Variants in C4orf50 observed in about 807,000 individuals in gnomAD.
C4orf50 encodes uncharacterized protein C4orf50.
In C4orf50, 80 loss-of-function variants were observed where a neutral mutation model predicts 77.2. The ratio of observed to expected loss-of-function variants is 1.04; its 90% CI spans 0.87 to 1.25. The LOEUF (loss-of-function observed/expected upper bound fraction) is 1.25, where lower values mean the gene tolerates loss of function less well. Ranked by LOEUF, C4orf50 falls within the 50% of genes most tolerant of loss-of-function variation. The pLI, the probability that C4orf50 is intolerant of heterozygous loss-of-function variation, is 0.00. For synonymous variants in C4orf50, 532 were observed against 465.3 expected (o/e 1.14, Z -1.84); for missense variants, 1,257 against 1,152.9 (o/e 1.09, Z -1.31).
At chr4:5,941,111 A>G (rs917342897) in intron 7 of C4orf50, among the ~76,000 whole-genome samples, 1 of 152,232 alleles carries the variant, frequency 6.6e-6, no homozygotes, top group Admixed American at 6.5e-5. Flanking sequence ...TTATTACTCA[A>G]TCATATCTAA....
In C4orf50 at chr4:5,916,098, C is replaced by T. The variant is rs1717017678; in HGVS notation, c.*2475-17910G>A. 6.6e-6 allele frequency among the ~76,000 whole-genome samples: 1 copy of T among 152,170 alleles called. No homozygotes were observed. Reference sequence around the variant, plus strand: ...CAGCTACCACAGGGGCAGAGCTCAGCTCCACACAGTAGTGACCAGGGACCC... The same window carrying T: ...CAGCTACCACAGGGGCAGAGCTCAGTTCCACACAGTAGTGACCAGGGACCC... On this transcript the variant is annotated intron_variant, in intron 7 of 7. Coordinates refer to the C4orf50 transcript ENST00000324058. The surrounding 1 kb of genome is among the most constrained non-coding windows in gnomAD (Gnocchi z 4.4).
chr4:5,966,906 C>A lies in C4orf50; in HGVS notation c.4153+508G>T, dbSNP rs560816704. ...CTCGTGATCCGCCTGCCTCGGCCCC[C>A]CAAAGTGCTGGGATTACAGGCGTGA... On this transcript the variant is annotated intron_variant, in intron 32 of 33. Transcript: ENST00000531445. 3.9e-5 allele frequency among the ~76,000 whole-genome samples: 6 copies of A among 152,278 alleles called. No homozygotes were observed. In the East Asian group the frequency reaches 7.7e-4, roughly 20 times the overall value.
intron 25 of C4orf50, among the ~76,000 whole-genome samples, chr4:6,002,170 TA>T (rs1256470314): frequency 6.6e-6 from 1 of 152,030 alleles, no homozygotes; most frequent in Non-Finnish European, 1.5e-5. Context: ...GGTGTCCAGA[TA>T]AGAAGAGAAG....
exon 28 of C4orf50, chr4:5,990,647 G>A (rs1721227532): frequency 5.0e-6 from 2 of 399,096 alleles, no homozygotes; most frequent in African/African-American, 2.1e-5. Context: ...GGCCCCCAGA[G>A]AGGGAGTGCG....
intron 7 of C4orf50, among the ~76,000 whole-genome samples, chr4:5,936,576 A>AG (rs1320863587): frequency 7.3e-5 from 11 of 150,914 alleles, no homozygotes; most frequent in African/African-American, 2.7e-4. Flanking sequence ...AAAAAAAAAA[A>AG]AAAAAAAGAA....
rs190238316 is a variant in C4orf50, at chr4:5,907,437, G to T, written c.*2475-9249C>A. 4.3e-4 allele frequency among the ~76,000 whole-genome samples: 66 copies of T among 152,254 alleles called. 1 individual carries two copies. The East Asian group carries it at 0.01, about 24-fold the overall frequency. Reference sequence around the variant, plus strand: ...ATAAATAGGATAGATCACTTTTGGTGGTGGTGGGGAGGGTCATGTAATAGG... The same window carrying T: ...ATAAATAGGATAGATCACTTTTGGTTGTGGTGGGGAGGGTCATGTAATAGG... On this transcript the variant is annotated intron_variant, in intron 7 of 7. Transcript: ENST00000324058.
intron 29 of C4orf50, among the ~76,000 whole-genome samples, chr4:5,977,828 G>A (rs1367439859): frequency 6.6e-6 from 1 of 152,196 alleles, no homozygotes; most frequent in Non-Finnish European, 1.5e-5. Flanking sequence ...GCCACAGTGA[G>A]ATAAGTATTG....
intron 7 of C4orf50, among the ~76,000 whole-genome samples, chr4:5,913,915 A>ATTG (rs1296565292): frequency 6.6e-6 from 1 of 152,242 alleles, no homozygotes; most frequent in Non-Finnish European, 1.5e-5. Context: ...AATCTCCAAG[A>ATTG]AATAGTCTTC....
chr4:5,940,765 T>A (rs116273155), intron 7 of C4orf50, among the ~76,000 whole-genome samples: 3,596 of 152,310 alleles, frequency 0.024, 61 homozygotes, highest in Non-Finnish European at 0.04. Context: ...CGTGGGAGAT[T>A]TGAGCCTGGG....
At chr4:5,913,617 C>A (rs926504362) in intron 7 of C4orf50, among the ~76,000 whole-genome samples, 1 of 152,176 alleles carries the variant, frequency 6.6e-6, no homozygotes, top group African/African-American at 2.4e-5. Context: ...ACATTCCGGT[C>A]CAATTGATGG....
In C4orf50 at chr4:5,931,531, C is replaced by T. The variant is rs979170537; in HGVS notation, c.*2474+25370G>A. ...TTTCCCCAAGGTCATGCAGCCCTGG[C>T]GAGGCTGAGCTGAACTAGAAACCTG... On this transcript the variant is annotated intron_variant, in intron 7 of 7. Transcript: ENST00000324058. Among the ~76,000 whole-genome samples, 4 of 152,162 alleles carry T rather than the reference C, an allele frequency of 2.6e-5. No homozygotes were observed. In the South Asian group the frequency reaches 6.2e-4, roughly 24 times the overall value.
chr4:5,910,857 T>C, intron 7 of C4orf50, among the ~76,000 whole-genome samples: 1 of 152,242 alleles, frequency 6.6e-6, no homozygotes, highest in East Asian at 1.9e-4. Flanking sequence ...CATGTCCCTA[T>C]TTGTCTAACA....
At chr4:5,989,692 T>C (rs1397652241) in exon 28 of C4orf50, 1 of 1,536,148 alleles carries the variant, frequency 6.5e-7, no homozygotes, top group Non-Finnish European at 8.7e-7. Context: ...ATGACCATGA[T>C]CAGTGGGTTC....
chr4:5,989,468 T>C, exon 28 of C4orf50: 1 of 1,536,000 alleles, frequency 6.5e-7, no homozygotes, highest in Non-Finnish European at 8.7e-7. Flanking sequence ...ATACCCCAAT[T>C]TCCCCAAACC....
chr4:5,969,363 G>A (rs1200571989), intron 31 of C4orf50, among the ~76,000 whole-genome samples: 6 of 151,544 alleles, frequency 4.0e-5, no homozygotes, highest in Non-Finnish European at 7.4e-5. Flanking sequence ...AATCGTCTGA[G>A]TATGACCGCT....
exon 28 of C4orf50, chr4:5,990,120 C>T (rs1721174927): frequency 7.8e-7 from 1 of 1,274,754 alleles, no homozygotes; most frequent in African/African-American, 1.5e-5. Flanking sequence ...CCCTCCTGCT[C>T]AGGGATTCGG....
chr4:5,936,319 T>C (rs1245645667), intron 7 of C4orf50, among the ~76,000 whole-genome samples: 2 of 152,050 alleles, frequency 1.3e-5, no homozygotes, highest in Non-Finnish European at 2.9e-5. Context: ...CCCAGCACTT[T>C]GGGAGGCCGA....
Position 6,007,768 on chromosome 4 carries a change from G to A in C4orf50, c.963+228C>T, listed in dbSNP as rs1256750878. ...ATGGACAGGTGAGTGGACACGGTTG[G>A]TGGATGGGTAATGAGGTGGGCGTGC... On this transcript the variant is annotated intron_variant, in intron 25 of 33. Coordinates refer to ENST00000531445, the Ensembl canonical transcript of C4orf50. This position sits in a 1 kb window ranked among gnomAD's most constrained non-coding sequence, Gnocchi z 4.1. Among the ~76,000 whole-genome samples the A allele has an allele frequency of 2.7e-5, 4 of 147,836 alleles. No homozygotes were observed. The highest frequency in any genetic ancestry group is 4.6e-4 in the South Asian group (2 of 4,364).
At chr4:5,921,341 T>A (rs1277821047) in intron 7 of C4orf50, among the ~76,000 whole-genome samples, 1 of 152,190 alleles carries the variant, frequency 6.6e-6, no homozygotes, top group Non-Finnish European at 1.5e-5. Flanking sequence ...TGCCTCCCAG[T>A]CAGGCGGTGG....
Sources: gnomAD v4.1 joint callset for allele counts (sites outside exome capture counted in the v4.1 genomes callset) on GRCh38, gnomAD v4.1.1 for gene constraint, Gnocchi (gnomAD v3.1) non-coding constraint, MANE v1.5 for transcripts, NCBI Gene and HGNC (gene_info 2026-07-23, HGNC 2026-07-21) for gene names.